RARA: variants seen among roughly 807,000 people sequenced by gnomAD.
RARA encodes the protein PML-DDX5-RARA fusion.
A neutral mutation model predicts 42.8 loss-of-function variants in RARA; 5 were observed. The ratio of observed to expected loss-of-function variants is 0.12; its 90% CI spans 0.06 to 0.25. The LOEUF (loss-of-function observed/expected upper bound fraction) is 0.25, where lower values mean the gene tolerates loss of function less well. Among genes scored for constraint, RARA ranks in the 10% least tolerant of loss-of-function variants. The pLI is 1.00. For missense variants in RARA, 402 were observed against 628.7 expected, an observed-to-expected ratio of 0.64 and a Z score of 3.86; for synonymous variants, 256 against 259.5, an observed-to-expected ratio of 0.99 and a Z score of 0.13.
chr17:40,355,229 C>T lies in RARA; in HGVS notation c.1013-34C>T. 1.3e-6 allele frequency: 2 copies of T among 1,541,486 alleles called. No homozygotes were observed. Among genetic ancestry groups the T allele is most frequent in the South Asian group, 2.4e-5 (2 of 83,936 alleles). ...CCGAGGCTGGGGGTGCAGCTGTGTT[C>T]CCAGCTGCTCAGGGGGTGGTTCTGC... is the stretch of plus-strand genomic sequence containing the variant. On this transcript the variant is annotated intron_variant, in intron 7 of 8. Coordinates refer to ENST00000254066, the MANE Select transcript of RARA (RefSeq NM_000964.4). This position sits in a 1 kb window ranked among gnomAD's most constrained non-coding sequence, Gnocchi z 4.1.
Position 40,354,296 on chromosome 17 carries a change from AC to A in RARA, c.808-3del. 6.2e-7 allele frequency: 1 copy of A among 1,613,556 alleles called. No individual in the cohort carries two copies. The highest frequency in any genetic ancestry group is 1.1e-5 in the South Asian group (1 of 91,054). On this transcript the variant is annotated splice_polypyrimidine_tract_variant and splice_region_variant and intron_variant, in intron 6 of 8. Transcript: ENST00000254066. This position sits in a 1 kb window ranked among gnomAD's most constrained non-coding sequence, Gnocchi z 4.5. The stretch of plus-strand genomic sequence containing the variant: ...GTCCCTGAACCCAAGCATCCTCTGC[AC>A]CCAGATCCTGCGGATCTGCACGCGG...
rs1432080022 is a variant in RARA at position 40,349,704 on chromosome 17, C to T, written c.328-80C>T. ...GGGGGCAGCAGCTGGCCTGGCCCTC[C>T]TCCCCTAGACTGAGACCGTAGCCAG... On this transcript the variant is annotated intron_variant, in intron 3 of 8. Transcript: ENST00000254066. The T allele has an allele frequency of 2.6e-6, 4 of 1,564,372 alleles. No individual in the cohort carries two copies. The African/African-American group carries it at 5.4e-5, about 21-fold the overall frequency.
chr17:40,356,691 T>A lies in RARA; in HGVS notation c.*465T>A, dbSNP rs1194428851. On this transcript the variant is annotated 3_prime_UTR_variant, in exon 9 of 9. Transcript: ENST00000254066. ...GGACAGGGGCGGGGGGTTCCCCCTG[T>A]ACATACCCTGCCATACCAACCCCAG... The A allele has an allele frequency of 1.8e-6, 1 of 541,564 alleles. No individual in the cohort carries two copies. Among genetic ancestry groups the A allele is most frequent in the Non-Finnish European group, 3.6e-6 (1 of 281,680 alleles). The allele number at this position is 541,564 out of a possible 1,614,324, so 33.5% of individuals were successfully genotyped here.
chr17:40,341,889 C>G, intron 2 of RARA: 1 of 1,045,284 alleles, frequency 9.6e-7, no homozygotes, highest in Non-Finnish European at 1.2e-6. Context: ...GCCCCCTCCT[C>G]TCCCTGTACT....
At chr17:40,348,198 C>T in intron 2 of RARA, 118 bp from the exon 3 acceptor site, 1 of 1,292,630 alleles carries the variant, frequency 7.7e-7, no homozygotes, top group South Asian at 1.7e-5. Context: ...GACTTGAATC[C>T]TGCCAGCAGT....
chr17:40,337,871 C>G (rs1043548223), intron 2 of RARA, among the ~76,000 whole-genome samples: 1 of 152,234 alleles, frequency 6.6e-6, no homozygotes, highest in Non-Finnish European at 1.5e-5. Context: ...GCTTCCCACT[C>G]TTTCCCTGGA....
chr17:40,341,475 C>T, intron 2 of RARA: 1 of 1,507,818 alleles, frequency 6.6e-7, no homozygotes, highest in Non-Finnish European at 8.9e-7. Flanking sequence ...GTGCCAAACA[C>T]TTGGCCCCGC....
chr17:40,355,461 C>T lies in RARA; in HGVS notation c.1171+40C>T. 6.3e-7 allele frequency: 1 copy of T among 1,576,000 alleles called. No individual in the cohort carries two copies. ...CCTGGAGGGGTACCGGCCCCCGACA[C>T]CTGGCCCAGGCCCCCACATCCAAGC... On this transcript the variant is annotated intron_variant, in intron 8 of 8. Coordinates refer to ENST00000254066, the MANE Select transcript of RARA (RefSeq NM_000964.4). The surrounding 1 kb of genome is among the most constrained non-coding windows in gnomAD (Gnocchi z 4.1).
chr17:40,333,392 G>A (rs1315050743), intron 2 of RARA, among the ~76,000 whole-genome samples: 1 of 152,162 alleles, frequency 6.6e-6, no homozygotes, highest in Non-Finnish European at 1.5e-5. Flanking sequence ...GCCCAGGCTG[G>A]AGTGCAGTGG....
chr17:40,329,383 T>C (rs1224881583), intron 1 of RARA, among the ~76,000 whole-genome samples: 1 of 152,072 alleles, frequency 6.6e-6, no homozygotes, highest in African/African-American at 2.4e-5. Context: ...CTCAGCTCAC[T>C]GCAACCTCCA....
rs1351464288 is a variant in RARA at position 40,320,191 on chromosome 17, GGTTGAAAT to G, written c.-362-10664_-362-10657del. Among the ~76,000 whole-genome samples the G allele has an allele frequency of 6.6e-6, 1 of 152,082 alleles. No individual in the cohort carries two copies. Among genetic ancestry groups the G allele is most frequent in the Non-Finnish European group, 1.5e-5 (1 of 67,998 alleles). Reference sequence around the variant, plus strand: ...AGTGGCAGTTCTGAGAAGATCCTGGGGTTGAAATGGCTTAATCCTGGCCACATCCTCCT... The same window carrying G: ...AGTGGCAGTTCTGAGAAGATCCTGGGGGCTTAATCCTGGCCACATCCTCCT... On this transcript the variant is annotated intron_variant, in intron 1 of 8. Transcript: ENST00000254066. The surrounding 1 kb of genome is among the most constrained non-coding windows in gnomAD (Gnocchi z 4.1).
chr17:40,332,461 C>T (rs1014227806), intron 2 of RARA, among the ~76,000 whole-genome samples: 1 of 152,212 alleles, frequency 6.6e-6, no homozygotes, highest in Non-Finnish European at 1.5e-5. Context: ...GCCCTATGTG[C>T]CTGGCTGGGC....
At chr17:40,321,425 AGAG>A (rs763508454) in intron 1 of RARA, among the ~76,000 whole-genome samples, 4 of 151,252 alleles carry the variant, frequency 2.6e-5, no homozygotes, top group African/African-American at 7.3e-5. Context: ...TGGAATTTGG[AGAG>A]GAGGAGGAGG....
intron 2 of RARA, among the ~76,000 whole-genome samples, chr17:40,338,032 C>T (rs2033907933): frequency 6.6e-6 from 1 of 152,218 alleles, no homozygotes. Context: ...AAATGGGGTC[C>T]CTCACCTTTT....
Position 40,355,993 on chromosome 17 carries a change from C to T in RARA, c.1172-16C>T. 6.3e-7 allele frequency: 1 copy of T among 1,586,144 alleles called. No homozygotes were observed. Among genetic ancestry groups the T allele is most frequent in the Non-Finnish European group, 8.6e-7 (1 of 1,167,388 alleles). ...CTGGCCCAGCGTGCTGACCTCTGCC[C>T]CCTCCTTTCCTGCAGGGGCTGAGCG... On this transcript the variant is annotated splice_polypyrimidine_tract_variant and intron_variant, in intron 8 of 8. Transcript: ENST00000254066. This position sits in a 1 kb window ranked among gnomAD's most constrained non-coding sequence, Gnocchi z 4.1.
chr17:40,342,836 C>T, intron 2 of RARA: 1 of 1,613,040 alleles, frequency 6.2e-7, no homozygotes, highest in Non-Finnish European at 8.5e-7. Context: ...CCACCCCGCT[C>T]CGGACTCCGC....
chr17:40,334,668 T>A (rs776445563), intron 2 of RARA, among the ~76,000 whole-genome samples: 7 of 152,238 alleles, frequency 4.6e-5, no homozygotes, highest in Non-Finnish European at 1.0e-4. Flanking sequence ...CCTCCATTCC[T>A]GCAGGAGCAG....
chr17:40,349,343 G>A (rs1441735915), intron 3 of RARA: 2 of 188,676 alleles, frequency 1.1e-5, no homozygotes, highest in African/African-American at 2.4e-5. Flanking sequence ...GTGCATGTGT[G>A]TGTTCGCCTC....
In RARA at chr17:40,351,977, G is replaced by T. The variant is rs1316006313; in HGVS notation, c.537G>T (p.Thr179=). ...AGCCCGAGTGCTCTGAGAGCTACAC[G>T]CTGACGCCGGAGGTGGGGGAGCTCA... ...VPKPECSESY[T]LTPEVGELIE... is the part of the protein sequence containing the mutation. The change falls in exon 5 of 9, where the codon ACG becomes ACT. Residue 179 remains threonine, a synonymous_variant. Transcript: ENST00000254066. The surrounding 1 kb of genome is among the most constrained non-coding windows in gnomAD (Gnocchi z 4.1). 5 of 1,607,862 alleles carry T rather than the reference G, an allele frequency of 3.1e-6. No homozygotes were observed. The highest frequency in any genetic ancestry group is 4.2e-6 in the Non-Finnish European group (5 of 1,178,084).
Sources: allele counts gnomAD v4.1 joint callset (sites outside exome capture counted in the v4.1 genomes callset), GRCh38; gene constraint gnomAD v4.1.1; non-coding constraint Gnocchi (gnomAD v3.1); transcripts MANE v1.5; gene names NCBI Gene and HGNC (gene_info 2026-07-23, HGNC 2026-07-21).